DPP10: variants seen among roughly 807,000 people sequenced by gnomAD.
The protein encoded by DPP10 is dipeptidyl peptidase like 10.
A neutral mutation model predicts 120.9 loss-of-function variants in DPP10; 33 were observed. That is an observed-to-expected ratio of 0.27 (90% CI 0.21 to 0.37). The LOEUF (loss-of-function observed/expected upper bound fraction) is 0.37. Ranked by LOEUF, DPP10 falls within the 10% of genes least tolerant of loss-of-function variation. The pLI, the probability that DPP10 is intolerant of heterozygous loss-of-function variation, is 1.00. For missense variants in DPP10, 816 were observed against 942.8 expected (o/e 0.87, Z 1.76); for synonymous variants, 337 against 326.1 (o/e 1.03, Z -0.36).
chr2:114,705,146 T>A (rs1339074599), intron 1 of DPP10, among the ~76,000 whole-genome samples: 1 of 152,184 alleles, frequency 6.6e-6, no homozygotes, highest in African/African-American at 2.4e-5. Flanking sequence ...ATAGTAATTC[T>A]ACAATGGAAG....
chr2:114,668,947 T>C (rs893413783), intron 1 of DPP10, among the ~76,000 whole-genome samples: 4 of 152,186 alleles, frequency 2.6e-5, no homozygotes, highest in African/African-American at 9.7e-5. Flanking sequence ...CTCATGTAAA[T>C]ATCATGTTCT....
At chr2:115,728,422 A>G (rs2092819048) in intron 8 of DPP10, among the ~76,000 whole-genome samples, 1 of 152,124 alleles carries the variant, frequency 6.6e-6, no homozygotes, top group Admixed American at 6.5e-5. Context: ...TTCAATATCT[A>G]TTGAATCAAG....
At chr2:115,398,443 T>G (rs933471030) in intron 3 of DPP10, among the ~76,000 whole-genome samples, 1 of 152,144 alleles carries the variant, frequency 6.6e-6, no homozygotes, top group Non-Finnish European at 1.5e-5. Flanking sequence ...TTGCTTGAAA[T>G]GAATCTCTTT....
intron 19 of DPP10, among the ~76,000 whole-genome samples, chr2:115,797,115 A>C (rs774566947): frequency 1.3e-5 from 2 of 152,040 alleles, no homozygotes; most frequent in Non-Finnish European, 2.9e-5. Flanking sequence ...GGAATATAAC[A>C]TTTTCCACAT....
intron 1 of DPP10, among the ~76,000 whole-genome samples, chr2:114,973,116 GATT>G (rs1319343337): frequency 7.2e-5 from 11 of 152,252 alleles, no homozygotes; most frequent in African/African-American, 2.6e-4. Context: ...GGTTGCATAA[GATT>G]ATAATGGAAC....
intron 5 of DPP10, among the ~76,000 whole-genome samples, chr2:115,652,402 GAT>G (rs879758013): frequency 3.5e-4 from 43 of 123,822 alleles, no homozygotes; most frequent in African/African-American, 1.2e-3. Context: ...AAACCAATAG[GAT>G]ATATATGTGT....
intron 10 of DPP10, 128 bp downstream of exon 10, chr2:115,746,311 A>G: frequency 1.2e-6 from 1 of 827,812 alleles, no homozygotes; most frequent in Non-Finnish European, 1.9e-6. Context: ...GAAGTTGCCT[A>G]CATTAGTGAG....
At chr2:115,713,378 G>C (rs1452387238) in intron 7 of DPP10, among the ~76,000 whole-genome samples, 2 of 152,160 alleles carry the variant, frequency 1.3e-5, no homozygotes, top group Non-Finnish European at 2.9e-5. Context: ...ATGCTGAATG[G>C]ATAAAAAGCC....
chr2:114,775,730 G>A (rs530175103), intron 1 of DPP10, among the ~76,000 whole-genome samples: 1 of 152,270 alleles, frequency 6.6e-6, no homozygotes, highest in African/African-American at 2.4e-5. Context: ...CCAACAATTA[G>A]AATGTCACCA....
chr2:115,225,068 G>T (rs2057367043), intron 1 of DPP10, among the ~76,000 whole-genome samples: 1 of 152,094 alleles, frequency 6.6e-6, no homozygotes, highest in East Asian at 1.9e-4. Flanking sequence ...TAAATGTTCT[G>T]GATTTTGATT....
intron 1 of DPP10, among the ~76,000 whole-genome samples, chr2:115,015,884 T>C (rs565258397): frequency 1.3e-5 from 2 of 152,280 alleles, no homozygotes; most frequent in South Asian, 4.1e-4. Flanking sequence ...TCCATGCTCA[T>C]GGATAGGAAG....
chr2:114,682,468 A>G (rs563355445), intron 1 of DPP10, among the ~76,000 whole-genome samples: 47 of 151,944 alleles, frequency 3.1e-4, no homozygotes, highest in African/African-American at 1.1e-3. Context: ...TATATTAGTC[A>G]CTGACAACTA....
intron 2 of DPP10, among the ~76,000 whole-genome samples, chr2:115,331,658 T>G (rs189929878): frequency 2.5e-4 from 38 of 152,346 alleles, no homozygotes; most frequent in African/African-American, 8.9e-4. Flanking sequence ...GTCAAAGGCC[T>G]TTTCTGCATC....
intron 3 of DPP10, among the ~76,000 whole-genome samples, chr2:115,402,590 A>G (rs1285729844): frequency 1.3e-5 from 2 of 151,336 alleles, no homozygotes; most frequent in African/African-American, 4.9e-5. Flanking sequence ...ACAAACACAA[A>G]GAAATAGAAA....
At chr2:115,162,879 A>G (rs886125285) in intron 1 of DPP10, among the ~76,000 whole-genome samples, 3 of 151,642 alleles carry the variant, frequency 2.0e-5, no homozygotes, top group African/African-American at 7.3e-5. Context: ...CTCTTTTTCC[A>G]AAGTTGGAGG....
At chr2:114,956,328 T>C (rs994605478) in intron 1 of DPP10, among the ~76,000 whole-genome samples, 2 of 151,232 alleles carry the variant, frequency 1.3e-5, no homozygotes, top group African/African-American at 2.4e-5. Flanking sequence ...TTAAGAAATC[T>C]ATCCCATTTA....
At chr2:114,729,463 C>T (rs544981166) in intron 1 of DPP10, among the ~76,000 whole-genome samples, 16 of 152,342 alleles carry the variant, frequency 1.1e-4, no homozygotes, top group Middle Eastern at 6.8e-3. Context: ...ATGCAGTGAA[C>T]TCAGAAACAT....
At chr2:114,622,082 C>A (rs1053016331) in intron 1 of DPP10, among the ~76,000 whole-genome samples, 3 of 151,848 alleles carry the variant, frequency 2.0e-5, no homozygotes, top group Non-Finnish European at 4.4e-5. Flanking sequence ...TAATACTAAC[C>A]AGATTTCAGA....
At position 115,325,045 on chromosome 2, in the gene DPP10, C is replaced by T. The variant is rs2106126818; in HGVS notation, c.175+15692C>T. On this transcript the variant is annotated intron_variant, in intron 2 of 25. Transcript: ENST00000410059. Reference sequence around the variant, plus strand: ...CAACTACAATAGTGGCATCAAAGATCCCTGATCACAGATCACCGTAACAGA... The same window carrying T: ...CAACTACAATAGTGGCATCAAAGATTCCTGATCACAGATCACCGTAACAGA... Among the ~76,000 whole-genome samples, 3 of 151,904 alleles carry T rather than the reference C, an allele frequency of 2.0e-5. No homozygotes were observed. In the South Asian group the frequency reaches 6.3e-4, roughly 32 times the overall value.
Sources: gnomAD v4.1 joint callset for allele counts (sites outside exome capture counted in the v4.1 genomes callset) on GRCh38, gnomAD v4.1.1 for gene constraint, MANE v1.5 for transcripts, NCBI Gene and HGNC (gene_info 2026-07-23, HGNC 2026-07-21) for gene names.